The following TSHR variants were observed in gnomAD, a reference collection of about 807,000 sequenced individuals.
TSHR encodes the protein thyroid stimulating hormone receptor.
In TSHR, 51 loss-of-function variants were observed where a neutral mutation model predicts 64.1. The observed-to-expected ratio is 0.80, with a 90% CI of 0.64 to 1.01. TSHR has a LOEUF of 1.01. Among genes scored for constraint, TSHR ranks in the 50% least tolerant of loss-of-function variants. TSHR has a pLI of 0.00. For synonymous variants in TSHR, 361 were observed against 361.9 expected (o/e 1.00, Z 0.03); for missense variants, 877 against 942.8 (o/e 0.93, Z 0.91).
intron 3 of TSHR, among the ~76,000 whole-genome samples, chr14:81,083,220 C>T (rs1188500642): frequency 1.3e-5 from 2 of 152,040 alleles, no homozygotes; most frequent in Non-Finnish European, 2.9e-5. Context: ...CTGTGCTACG[C>T]TTTTATTGAG....
At chr14:80,975,079 T>C (rs1185743430) in intron 1 of TSHR, among the ~76,000 whole-genome samples, 1 of 152,226 alleles carries the variant, frequency 6.6e-6, no homozygotes, top group Non-Finnish European at 1.5e-5. Flanking sequence ...TCATGTCCTA[T>C]TTCAGAGAAC....
chr14:81,065,110 G>A (rs779506945), intron 2 of TSHR, among the ~76,000 whole-genome samples: 4 of 152,092 alleles, frequency 2.6e-5, no homozygotes, highest in Non-Finnish European at 5.9e-5. Flanking sequence ...AGCAAAGCGA[G>A]AGTCCTCCTA....
intron 4 of TSHR, among the ~76,000 whole-genome samples, chr14:81,089,396 CA>C (rs1888550486): frequency 6.6e-6 from 1 of 152,164 alleles, no homozygotes; most frequent in South Asian, 2.1e-4. Flanking sequence ...GCTTATGGGA[CA>C]AGACAATCAC....
At chr14:81,114,777 C>G (rs925902302) in intron 8 of TSHR, among the ~76,000 whole-genome samples, 1 of 152,184 alleles carries the variant, frequency 6.6e-6, no homozygotes, top group African/African-American at 2.4e-5. Flanking sequence ...CTTAAATGTC[C>G]CTGTCTGACA....
rs1169370462 is a variant in TSHR, at chr14:80,960,465, C to G, written c.170+4615C>G. On this transcript the variant is annotated intron_variant, in intron 1 of 9. Coordinates refer to ENST00000298171, the MANE Select transcript of TSHR (RefSeq NM_000369.5). ...TGAATTATTCTTTTCCATTCTCTCT[C>G]TCCTCTCCCATACATATGAAACACT... Among the ~76,000 whole-genome samples, 4 of 152,212 alleles carry G rather than the reference C, an allele frequency of 2.6e-5. No individual in the cohort carries two copies. In the East Asian group the frequency reaches 7.7e-4, roughly 29 times the overall value.
chr14:81,099,484 AT>A (rs1156678284), intron 7 of TSHR: 1 of 152,204 alleles, frequency 6.6e-6, no homozygotes, highest in Non-Finnish European at 1.5e-5. Flanking sequence ...TCTTAGCTCA[AT>A]CTATTAAAGG....
chr14:80,994,100 T>G (rs1888879874), intron 1 of TSHR: 1 of 152,238 alleles, frequency 6.6e-6, no homozygotes, highest in African/African-American at 2.4e-5. Context: ...GGGACCTTTA[T>G]GATGAGTCAC....
chr14:81,014,764 G>C (rs1036577809), intron 1 of TSHR, among the ~76,000 whole-genome samples: 1 of 152,214 alleles, frequency 6.6e-6, no homozygotes. Flanking sequence ...TAGTCATGGT[G>C]TGTTAGCAGA....
chr14:81,120,876 A>C (rs1323602345), intron 8 of TSHR, among the ~76,000 whole-genome samples: 3 of 152,206 alleles, frequency 2.0e-5, no homozygotes, highest in African/African-American at 7.2e-5. Context: ...CTTATACAGG[A>C]ATATTCAGAA....
At chr14:81,001,343 CT>C in intron 1 of TSHR, 1 of 298,316 alleles carries the variant, frequency 3.4e-6, no homozygotes, top group Non-Finnish European at 6.6e-6. Context: ...AAATTTGTTC[CT>C]TTTCAGTAAG....
intron 1 of TSHR, among the ~76,000 whole-genome samples, chr14:80,984,303 T>A (rs1378393605): frequency 6.6e-6 from 1 of 152,234 alleles, no homozygotes; most frequent in Non-Finnish European, 1.5e-5. Context: ...ATTGTCAGGC[T>A]GTTTCATTTA....
chr14:80,955,769 A>G lies in TSHR; in HGVS notation c.89A>G (p.Glu30Gly). ...GGMGCSSPPC[E>G]CHQEEDFRVT... is the part of the protein sequence containing the mutation. ...ATGGGGTGTTCGTCTCCACCCTGCG[A>G]GTGCCATCAGGAGGAGGACTTCAGA... The change falls in exon 1 of 10, where the codon GAG (glutamate) becomes GGG (glycine). Residue 30 changes from glutamate to glycine, a missense_variant. Transcript: ENST00000298171. 1 of 1,614,192 alleles carries G rather than the reference A, an allele frequency of 6.2e-7. No homozygotes were observed.
intron 1 of TSHR, among the ~76,000 whole-genome samples, chr14:81,036,434 T>C (rs59741121): frequency 0.14 from 21,433 of 152,126 alleles, 1,763 homozygotes; most frequent in Non-Finnish European, 0.19. Flanking sequence ...ATAATAAATT[T>C]GAAGTGCTTA....
intron 1 of TSHR, among the ~76,000 whole-genome samples, chr14:81,039,589 A>C (rs972607448): frequency 6.6e-6 from 1 of 152,030 alleles, no homozygotes; most frequent in South Asian, 2.1e-4. Context: ...ACTCCACCAT[A>C]AAACTATTAG....
chr14:81,069,813 G>A (rs959724068), intron 3 of TSHR, among the ~76,000 whole-genome samples: 2 of 152,072 alleles, frequency 1.3e-5, no homozygotes, highest in African/African-American at 4.8e-5. Flanking sequence ...AAAATCAAGA[G>A]AAGAAAATAG....
chr14:81,095,226 G>A (rs1213060687), intron 6 of TSHR, among the ~76,000 whole-genome samples: 1 of 152,096 alleles, frequency 6.6e-6, no homozygotes, highest in Non-Finnish European at 1.5e-5. Flanking sequence ...CCAAGGCTGG[G>A]GCTCCTTCTC....
At position 81,040,963 on chromosome 14, in the gene TSHR, A is replaced by T. The variant is rs375666596; in HGVS notation, c.171-21185A>T. 6.6e-5 allele frequency among the ~76,000 whole-genome samples: 10 copies of T among 152,320 alleles called. No homozygotes were observed. In the East Asian group the frequency reaches 1.7e-3, roughly 26 times the overall value. Reference sequence around the variant, plus strand: ...AAATGGAAATTAAAACCACAATGAGATACCATCTCAGACCAGTCAGAATAG... The same window carrying T: ...AAATGGAAATTAAAACCACAATGAGTTACCATCTCAGACCAGTCAGAATAG... On this transcript the variant is annotated intron_variant, in intron 1 of 9. Transcript: ENST00000298171.
chr14:81,033,182 G>A, intron 1 of TSHR: 1 of 430,948 alleles, frequency 2.3e-6, no homozygotes, highest in Non-Finnish European at 4.5e-6. Context: ...GTGAATGAAT[G>A]GATCACTAAT....
At chr14:81,039,566 A>G (rs1057462633) in intron 1 of TSHR, among the ~76,000 whole-genome samples, 4 of 151,944 alleles carry the variant, frequency 2.6e-5, no homozygotes, top group Non-Finnish European at 4.4e-5. Flanking sequence ...TATATATTAA[A>G]AAAACCCTAA....
Sources: allele counts gnomAD v4.1 joint callset (sites outside exome capture counted in the v4.1 genomes callset), GRCh38; gene constraint gnomAD v4.1.1; transcripts MANE v1.5; gene names NCBI Gene and HGNC (gene_info 2026-07-23, HGNC 2026-07-21).